CFAP54: variants seen among roughly 807,000 people sequenced by gnomAD.
CFAP54 encodes cilia- and flagella-associated protein 54.
A neutral mutation model predicts 370.4 loss-of-function variants in CFAP54; 290 were observed. That is an observed-to-expected ratio of 0.78 (90% confidence interval 0.71 to 0.86). The LOEUF (loss-of-function observed/expected upper bound fraction) is 0.86, where lower values mean the gene tolerates loss of function less well. CFAP54 is among the 40% of genes least tolerant of loss of function. CFAP54 has a pLI of 0.00. For synonymous variants in CFAP54, 1,206 were observed against 1,236.5 expected (o/e 0.98, Z 0.52); for missense variants, 3,399 against 3,528.7 (o/e 0.96, Z 0.93).
intron 22 of CFAP54, among the ~76,000 whole-genome samples, chr12:96,581,762 A>G (rs1956035200): frequency 6.6e-6 from 1 of 152,022 alleles, no homozygotes; most frequent in African/African-American, 2.4e-5. Flanking sequence ...ATTATTTTAC[A>G]TCCTGATATT....
Position 96,592,536 on chromosome 12 carries a change from C to T in CFAP54, c.3259C>T (p.Leu1087Phe), listed in dbSNP as rs944801355. 1 of 1,051,100 alleles carries T rather than the reference C, an allele frequency of 9.5e-7. No individual in the cohort carries two copies. The allele number at this position is 1,051,100 out of a possible 1,614,324, so 65.1% of individuals were successfully genotyped here. The change falls in exon 24 of 68, where the codon CTT becomes TTT. Residue 1087 changes from leucine (L) to phenylalanine (F), a missense_variant. Leu to Phe is a conservative substitution (Grantham distance 22). Around this residue, in one of 3 missense-constraint regions of CFAP54, gnomAD observed 2,796 missense variants for 2,869.7 expected, o/e 0.97. Transcript: ENST00000524981. The stretch of plus-strand genomic sequence containing the variant: ...AGAGACTTCTTCAATCCTCTTGTAC[C>T]TTTTTCTTAGAAATATTTTTGTAAC... ...LAETSSILLY[L>F]FLRNIFVTSD...
rs1565934111 is a variant in CFAP54, at chr12:96,664,691, ATATATCTATATATATATATATATC to A, written c.5563+765_5563+788del. Among the ~76,000 whole-genome samples the A allele has an allele frequency of 7.1e-4, 11 of 15,480 alleles. 1 individual carries two copies. The highest frequency in any genetic ancestry group is 1.3e-3 in the African/African-American group (7 of 5,460). 10.2% of individuals were successfully genotyped at this position (15,480 alleles called of 152,430 possible). On this transcript the variant is annotated intron_variant, in intron 39 of 67. Coordinates refer to ENST00000524981, the MANE Select transcript of CFAP54 (RefSeq NM_001306084.2). Reference sequence around the variant, plus strand: ...TAGAACAATTTATATTCCTTTGGGTATATATCTATATATATATATATATCTATATATATCTATATATATATATCT... The same window carrying A: ...TAGAACAATTTATATTCCTTTGGGTATATATATATCTATATATATATATCT...
Position 96,681,209 on chromosome 12 carries a change from C to T in CFAP54, c.5716+1457C>T, listed in dbSNP as rs941353895. On this transcript the variant is annotated intron_variant, in intron 40 of 67. Transcript: ENST00000524981. ...GTTTATACCAACTCGCTCTGAATCT[C>T]ACCTGGTACCAAAATATTTTCAGTA... Among the ~76,000 whole-genome samples, 4 of 152,122 alleles carry T rather than the reference C, an allele frequency of 2.6e-5. No individual in the cohort carries two copies. The South Asian group carries it at 8.3e-4, about 32-fold the overall frequency.
intron 65 of CFAP54, among the ~76,000 whole-genome samples, chr12:96,819,353 C>T (rs1423701901): frequency 1.3e-5 from 2 of 152,148 alleles, no homozygotes; most frequent in Non-Finnish European, 2.9e-5. Context: ...CATAGCACTT[C>T]CACTAACAGT....
chr12:96,867,972 AATC>A, intron 67 of CFAP54, among the ~76,000 whole-genome samples: 1 of 152,304 alleles, frequency 6.6e-6, no homozygotes, highest in Admixed American at 6.5e-5. Flanking sequence ...CTATAATAAT[AATC>A]AATGTATATA....
intron 46 of CFAP54, among the ~76,000 whole-genome samples, chr12:96,704,491 TATATATATATTTAAAATACATCAAAAA>T (rs931654015): frequency 3.3e-5 from 4 of 119,624 alleles, no homozygotes; most frequent in Admixed American, 1.6e-4. Context: ...TATATATATA[TATATATATATTTAAAATACATCAAAAA>T]GAAGTTAGTA....
intron 1 of CFAP54, among the ~76,000 whole-genome samples, chr12:96,496,151 A>G (rs1201027954): frequency 6.6e-6 from 1 of 152,194 alleles, no homozygotes; most frequent in Non-Finnish European, 1.5e-5. Context: ...TAAATATATT[A>G]TTAATCAGTT....
chr12:96,571,396 G>A (rs1955915140), intron 19 of CFAP54, among the ~76,000 whole-genome samples: 1 of 152,132 alleles, frequency 6.6e-6, no homozygotes. Context: ...GAGTTGGTGG[G>A]CAAGTCCCTT....
intron 22 of CFAP54, among the ~76,000 whole-genome samples, chr12:96,588,653 T>C (rs1162371703): frequency 6.7e-6 from 1 of 149,956 alleles, no homozygotes; most frequent in African/African-American, 2.5e-5. Context: ...CTTCATTCCA[T>C]GAATGCATTT....
At chr12:96,676,812 C>G (rs1470622704) in intron 39 of CFAP54, among the ~76,000 whole-genome samples, 1 of 152,076 alleles carries the variant, frequency 6.6e-6, no homozygotes, top group African/African-American at 2.4e-5. Flanking sequence ...TAGGCATGAA[C>G]CACCACACCC....
intron 33 of CFAP54, chr12:96,646,509 G>C (rs1193472923): frequency 2.0e-5 from 3 of 152,210 alleles, no homozygotes; most frequent in African/African-American, 7.2e-5. Context: ...GGGACTGTAT[G>C]TAAACTAGTT....
intron 66 of CFAP54, among the ~76,000 whole-genome samples, chr12:96,840,023 C>A (rs555144600): frequency 6.6e-6 from 1 of 152,308 alleles, no homozygotes; most frequent in African/African-American, 2.4e-5. Flanking sequence ...AGAATCCACT[C>A]TGATTCAAGG....
intron 58 of CFAP54, among the ~76,000 whole-genome samples, chr12:96,760,817 G>A (rs1470559816): frequency 6.6e-6 from 1 of 152,104 alleles, no homozygotes; most frequent in Non-Finnish European, 1.5e-5. Flanking sequence ...GCTTAATAGT[G>A]TCTCATTATA....
intron 66 of CFAP54, among the ~76,000 whole-genome samples, chr12:96,834,272 T>A (rs1190363872): frequency 6.6e-6 from 1 of 152,214 alleles, no homozygotes; most frequent in Non-Finnish European, 1.5e-5. Flanking sequence ...GCTGTTAGTG[T>A]TATGGGATCT....
At chr12:96,562,966 C>G (rs1955831508) in intron 17 of CFAP54, among the ~76,000 whole-genome samples, 1 of 152,116 alleles carries the variant, frequency 6.6e-6, no homozygotes, top group Non-Finnish European at 1.5e-5. Context: ...GCATAATAAT[C>G]TTGAACATGT....
intron 34 of CFAP54, among the ~76,000 whole-genome samples, chr12:96,648,935 C>G (rs772593721): frequency 1.3e-5 from 2 of 152,104 alleles, no homozygotes; most frequent in Admixed American, 1.3e-4. Flanking sequence ...TGTAGTCTGA[C>G]GAACCTGACT....
intron 66 of CFAP54, among the ~76,000 whole-genome samples, chr12:96,859,414 GTTT>G (rs1215347420): frequency 6.6e-6 from 1 of 151,056 alleles, no homozygotes; most frequent in Non-Finnish European, 1.5e-5. Context: ...TGTTTGTTTT[GTTT>G]TTTGTTTTTT....
intron 36 of CFAP54, among the ~76,000 whole-genome samples, chr12:96,655,081 G>A (rs1186268355): frequency 6.6e-6 from 1 of 151,776 alleles, no homozygotes; most frequent in Non-Finnish European, 1.5e-5. Context: ...CTATATATGT[G>A]ATATCAAGGC....
chr12:96,591,867 G>A, intron 23 of CFAP54, among the ~76,000 whole-genome samples: 1 of 151,086 alleles, frequency 6.6e-6, no homozygotes, highest in Non-Finnish European at 1.5e-5. Context: ...CTCCAGCCTG[G>A]GCGACAGAGC....
Sources: allele counts gnomAD v4.1 joint callset (sites outside exome capture counted in the v4.1 genomes callset), GRCh38; gene constraint gnomAD v4.1.1; regional missense constraint gnomAD v4.1.1; transcripts MANE v1.5; gene names NCBI Gene and HGNC (gene_info 2026-07-23, HGNC 2026-07-21).